Variants in GRIK4 observed in about 807,000 individuals in gnomAD.
GRIK4 encodes glutamate receptor ionotropic, kainate 4.
GRIK4 carries 40 observed loss-of-function variants against 104.9 expected under a neutral mutation model. The observed-to-expected ratio is 0.38, with a 90% confidence interval of 0.30 to 0.50. GRIK4 has a LOEUF of 0.50. Among genes scored for constraint, GRIK4 ranks in the 20% least tolerant of loss-of-function variants. The pLI is 0.93. For missense variants in GRIK4, 1,047 were observed against 1,308.1 expected (o/e 0.80, Z 3.08); for synonymous variants, 485 against 524.9 (o/e 0.92, Z 1.04).
intron 1 of GRIK4, among the ~76,000 whole-genome samples, chr11:120,562,345 C>T (rs1299335602): frequency 6.6e-6 from 1 of 152,196 alleles, no homozygotes; most frequent in East Asian, 1.9e-4. Context: ...TCAACAGGGA[C>T]CCCGGCCTTG....
At chr11:120,734,393 A>G (rs1951188655) in intron 3 of GRIK4, among the ~76,000 whole-genome samples, 1 of 152,202 alleles carries the variant, frequency 6.6e-6, no homozygotes. Flanking sequence ...GTTTCCACTG[A>G]AAAGTCTGCT....
intron 1 of GRIK4, among the ~76,000 whole-genome samples, chr11:120,553,843 G>A (rs1045144569): frequency 2.0e-5 from 3 of 152,202 alleles, no homozygotes; most frequent in African/African-American, 7.2e-5. Flanking sequence ...CCGGAGTAGA[G>A]TGTGCCCTCT....
chr11:120,938,721 G>T (rs1943651872), intron 13 of GRIK4, among the ~76,000 whole-genome samples: 1 of 152,208 alleles, frequency 6.6e-6, no homozygotes, highest in Non-Finnish European at 1.5e-5. Context: ...TGCATCAACT[G>T]ATCGACCAGC....
At chr11:120,565,601 G>A (rs1948311350) in intron 1 of GRIK4, among the ~76,000 whole-genome samples, 1 of 152,180 alleles carries the variant, frequency 6.6e-6, no homozygotes, top group South Asian at 2.1e-4. Context: ...ATTGTACGAG[G>A]TACAACAGAA....
intron 3 of GRIK4, among the ~76,000 whole-genome samples, chr11:120,712,519 G>T (rs1444233781): frequency 6.6e-6 from 1 of 151,978 alleles, no homozygotes; most frequent in African/African-American, 2.4e-5. Context: ...CACGCACGGT[G>T]GCACATGTCT....
intron 1 of GRIK4, among the ~76,000 whole-genome samples, chr11:120,552,657 G>T (rs1948150802): frequency 6.6e-6 from 1 of 152,150 alleles, no homozygotes; most frequent in African/African-American, 2.4e-5. Context: ...GCATGGAGAG[G>T]GTGGATAGCT....
chr11:120,969,595 CA>C (rs917606900), intron 19 of GRIK4, among the ~76,000 whole-genome samples: 107 of 152,144 alleles, frequency 7.0e-4, no homozygotes, highest in African/African-American at 2.4e-3. Flanking sequence ...GGATTGGAAA[CA>C]TGTGACTGGA....
chr11:120,766,554 C>T (rs1168733534), intron 3 of GRIK4, among the ~76,000 whole-genome samples: 2 of 152,164 alleles, frequency 1.3e-5, no homozygotes, highest in Non-Finnish European at 1.5e-5. Flanking sequence ...TGCCCAGTTT[C>T]GTGCTTGAAA....
intron 1 of GRIK4, among the ~76,000 whole-genome samples, chr11:120,632,853 C>T (rs989333639): frequency 6.6e-6 from 1 of 152,134 alleles, no homozygotes; most frequent in African/African-American, 2.4e-5. Flanking sequence ...TGTAGAGGAA[C>T]ACCCAGCTTG....
intron 9 of GRIK4, 135 bp from the exon 10 acceptor site, chr11:120,873,931 A>G: frequency 1.3e-6 from 1 of 762,236 alleles, no homozygotes; most frequent in Non-Finnish European, 2.1e-6. Context: ...GCCAAGGGTG[A>G]TGAAGATGCA....
intron 3 of GRIK4, among the ~76,000 whole-genome samples, chr11:120,755,298 G>C (rs1012089926): frequency 6.6e-6 from 1 of 152,090 alleles, no homozygotes; most frequent in Non-Finnish European, 1.5e-5. Flanking sequence ...GGGAGCCCTG[G>C]GGAAGGAAGA....
At chr11:120,717,469 A>G (rs2135368303) in intron 3 of GRIK4, among the ~76,000 whole-genome samples, 1 of 152,084 alleles carries the variant, frequency 6.6e-6, no homozygotes, top group African/African-American at 2.4e-5. Flanking sequence ...GGATGGGCCC[A>G]CTATCTCCTT....
chr11:120,550,949 A>G lies in GRIK4; in HGVS notation c.-159+39062A>G, dbSNP rs112649703. ...TCTTTCATTTGTAAGGGCAGGAGAC[A>G]GCGGAGCATGCATGAGTGCACAGTG... On this transcript the variant is annotated intron_variant, in intron 1 of 20. Transcript: ENST00000527524. 1.4e-3 allele frequency among the ~76,000 whole-genome samples: 217 copies of G among 152,294 alleles called. 1 individual carries two copies. The highest frequency in any genetic ancestry group is 5.0e-3 in the African/African-American group (206 of 41,548).
In GRIK4 at chr11:120,960,887, TTCC is replaced by T. The variant is rs1230316629; in HGVS notation, c.1875-19_1875-17del. On this transcript the variant is annotated intron_variant, in intron 16 of 20. Coordinates refer to ENST00000527524, the MANE Select transcript of GRIK4 (RefSeq NM_014619.5). ...CAGGGAGTGCCCGGGCAATGATGAC[TTCC>T]TCGTCTTTTCCTACATAGGTGGGCA... 6.2e-7 allele frequency: 1 copy of T among 1,606,428 alleles called. No individual in the cohort carries two copies. The highest frequency in any genetic ancestry group is 1.7e-5 in the Admixed American group (1 of 59,188).
At chr11:120,984,953 C>T (rs537631974) in intron 20 of GRIK4, among the ~76,000 whole-genome samples, 98 of 151,622 alleles carry the variant, frequency 6.5e-4, no homozygotes, top group Non-Finnish European at 1.0e-3. Flanking sequence ...CTCAGCCTCC[C>T]GAGTAGCTGA....
Position 120,987,265 on chromosome 11 carries a change from GGA to G in GRIK4, c.*1006_*1007del, listed in dbSNP as rs1565479272. ...CCATACCATGGCCTTGGCTTCCGGT[GGA>G]ACGTGCCGTTCACAGAGGCGGAAGG... On this transcript the variant is annotated 3_prime_UTR_variant, in exon 21 of 21. Coordinates refer to ENST00000527524, the MANE Select transcript of GRIK4 (RefSeq NM_014619.5). 1 of 152,210 alleles carries G rather than the reference GGA, an allele frequency of 6.6e-6. No homozygotes were observed. The highest frequency in any genetic ancestry group is 1.5e-5 in the Non-Finnish European group (1 of 68,066). 9.4% of individuals were successfully genotyped at this position (152,210 alleles called of 1,614,324 possible).
Position 120,527,282 on chromosome 11 carries a change from T to A in GRIK4, c.-159+15395T>A, listed in dbSNP as rs552721739. The stretch of plus-strand genomic sequence containing the variant: ...ATGGAATGTGGAGAGCAGCCTCAGC[T>A]CCCTGCGGCCCCAGGGTGGAGATGC... On this transcript the variant is annotated intron_variant, in intron 1 of 20. Coordinates refer to ENST00000527524, the MANE Select transcript of GRIK4 (RefSeq NM_014619.5). Among the ~76,000 whole-genome samples, 483 of 152,284 alleles carry A rather than the reference T, an allele frequency of 3.2e-3. 2 individuals are homozygous for A. The highest frequency in any genetic ancestry group is 0.011 in the African/African-American group (462 of 41,544).
At chr11:120,634,902 G>A (rs1019939778) in intron 1 of GRIK4, among the ~76,000 whole-genome samples, 23 of 152,108 alleles carry the variant, frequency 1.5e-4, no homozygotes, top group Admixed American at 1.4e-3. Flanking sequence ...CTGAGCATCC[G>A]CCATCTCTAG....
At chr11:120,776,307 G>T (rs750598111) in intron 3 of GRIK4, among the ~76,000 whole-genome samples, 1 of 152,188 alleles carries the variant, frequency 6.6e-6, no homozygotes, top group African/African-American at 2.4e-5. Flanking sequence ...CCCAGGAGCC[G>T]GAGGAAGGGC....
Sources: allele counts gnomAD v4.1 joint callset (sites outside exome capture counted in the v4.1 genomes callset), GRCh38; gene constraint gnomAD v4.1.1; transcripts MANE v1.5; gene names NCBI Gene and HGNC (gene_info 2026-07-23, HGNC 2026-07-21).